Variants in CCDC3 observed in about 807,000 individuals in gnomAD.
The protein encoded by CCDC3 is coiled-coil domain containing 3.
Under a neutral mutation model 21.4 loss-of-function variants are expected in CCDC3, and 24 were observed. The ratio of observed to expected loss-of-function variants is 1.12; its 90% CI spans 0.81 to 1.58. CCDC3 has a LOEUF of 1.58. CCDC3 is among the 40% of genes most tolerant of loss of function. The pLI, the probability that CCDC3 is intolerant of heterozygous loss-of-function variation, is 0.00. For missense variants in CCDC3, 425 were observed against 360.9 expected (o/e 1.18, Z -1.44); for synonymous variants, 186 against 166.0 (o/e 1.12, Z -0.93).
chr10:12,946,351 CTG>C (rs1834916526), intron 2 of CCDC3, among the ~76,000 whole-genome samples: 1 of 152,212 alleles, frequency 6.6e-6, no homozygotes, highest in Non-Finnish European at 1.5e-5. Flanking sequence ...GAGGCTGTCT[CTG>C]TACTGTGAGT....
intron 5 of CCDC3, among the ~76,000 whole-genome samples, chr10:13,035,366 C>T (rs1278859979): frequency 6.6e-6 from 1 of 151,482 alleles, no homozygotes; most frequent in Admixed American, 6.6e-5. Flanking sequence ...ACATTAGAGA[C>T]CAAAAATAAA....
At chr10:13,066,940 C>T (rs1836827029) in intron 4 of CCDC3, among the ~76,000 whole-genome samples, 1 of 152,166 alleles carries the variant, frequency 6.6e-6, no homozygotes. Context: ...ATATAATTCT[C>T]CTGGTCTTCT....
At chr10:12,937,437 T>C (rs577439025) in intron 2 of CCDC3, among the ~76,000 whole-genome samples, 22 of 152,304 alleles carry the variant, frequency 1.4e-4, no homozygotes, top group African/African-American at 5.3e-4. Context: ...GATATCATCA[T>C]GTCACGTTCT....
intron 4 of CCDC3, among the ~76,000 whole-genome samples, chr10:13,065,653 G>C (rs921337124): frequency 2.0e-5 from 3 of 152,118 alleles, no homozygotes; most frequent in African/African-American, 7.2e-5. Context: ...CCCAGGCAAT[G>C]TCCTACCCCC....
At chr10:13,053,355 G>A (rs1836637172) in intron 4 of CCDC3, among the ~76,000 whole-genome samples, 1 of 151,818 alleles carries the variant, frequency 6.6e-6, no homozygotes, top group Admixed American at 6.6e-5. Flanking sequence ...GATCATTTGA[G>A]ACCAGGAGTT....
chr10:13,080,040 G>A (rs1047581841), intron 3 of CCDC3, among the ~76,000 whole-genome samples: 1 of 152,218 alleles, frequency 6.6e-6, no homozygotes, highest in African/African-American at 2.4e-5. Context: ...AAGACAAGGG[G>A]GCCCTCTGGC....
At chr10:12,927,937 A>G (rs1322684788) in intron 2 of CCDC3, among the ~76,000 whole-genome samples, 7 of 152,264 alleles carry the variant, frequency 4.6e-5, no homozygotes, top group Non-Finnish European at 1.0e-4. Flanking sequence ...CAATGGAGAA[A>G]GGACTTCAGA....
intron 2 of CCDC3, among the ~76,000 whole-genome samples, chr10:12,984,895 G>C (rs1835563101): frequency 6.6e-6 from 1 of 152,150 alleles, no homozygotes; most frequent in Non-Finnish European, 1.5e-5. Context: ...CTGGGGCCTG[G>C]AAGAAGCAAA....
At chr10:13,090,056 T>G (rs71215325) in intron 3 of CCDC3, among the ~76,000 whole-genome samples, 2,717 of 140,628 alleles carry the variant, frequency 0.019, 110 homozygotes, top group Middle Eastern at 0.029. Flanking sequence ...TATATATATA[T>G]ATATATATAT....
chr10:12,972,126 C>G (rs930991498), intron 2 of CCDC3, among the ~76,000 whole-genome samples: 1 of 152,180 alleles, frequency 6.6e-6, no homozygotes, highest in Admixed American at 6.5e-5. Context: ...AACTCACTAT[C>G]AAACCACCAC....
rs141618663 is a variant in CCDC3 at position 12,961,293 on chromosome 10, G to C, written c.549+37045C>G. On this transcript the variant is annotated intron_variant, in intron 2 of 2. Transcript: ENST00000378825. The stretch of plus-strand genomic sequence containing the variant: ...TTATTGTGAAAATCTAGCATCCCAA[G>C]AGCCTGCCAAGTGGCCGCTACCTAC... 6.2e-3 allele frequency among the ~76,000 whole-genome samples: 945 copies of C among 152,290 alleles called. 5 individuals are homozygous for C. Among genetic ancestry groups the C allele is most frequent in the Middle Eastern group, 0.048 (14 of 294 alleles).
intron 4 of CCDC3, among the ~76,000 whole-genome samples, chr10:13,070,105 A>C (rs1171193629): frequency 9.4e-6 from 1 of 105,834 alleles, no homozygotes; most frequent in Non-Finnish European, 2.1e-5. Flanking sequence ...AACTGAGGTA[A>C]TCTTTTGACT....
intron 5 of CCDC3, among the ~76,000 whole-genome samples, chr10:13,016,611 G>A (rs1357860785): frequency 6.6e-6 from 1 of 151,800 alleles, no homozygotes; most frequent in Admixed American, 6.6e-5. Flanking sequence ...CCCTTCCCCC[G>A]GGGTCACATA....
intron 3 of CCDC3, among the ~76,000 whole-genome samples, chr10:13,086,739 C>T (rs1564344308): frequency 6.6e-6 from 1 of 152,198 alleles, no homozygotes; most frequent in Non-Finnish European, 1.5e-5. Context: ...AGCCCCCGCG[C>T]CCGGCCTCTG....
intron 2 of CCDC3, among the ~76,000 whole-genome samples, chr10:12,954,755 C>T (rs181185886): frequency 3.2e-4 from 49 of 152,274 alleles, no homozygotes; most frequent in East Asian, 1.7e-3. Flanking sequence ...CCTCCAACGT[C>T]GGGGATCAAA....
chr10:13,093,363 A>C (rs1588423578), intron 3 of CCDC3, among the ~76,000 whole-genome samples: 1 of 151,808 alleles, frequency 6.6e-6, no homozygotes. Flanking sequence ...GGAGGAAAAC[A>C]CCCCCATGAT....
intron 2 of CCDC3, among the ~76,000 whole-genome samples, chr10:12,973,639 G>A (rs1288696619): frequency 6.6e-6 from 1 of 152,208 alleles, no homozygotes; most frequent in Non-Finnish European, 1.5e-5. Flanking sequence ...TTTACTCACT[G>A]TACTCGTTAC....
At chr10:12,925,014 G>A (rs1017486036) in intron 2 of CCDC3, among the ~76,000 whole-genome samples, 7 of 152,226 alleles carry the variant, frequency 4.6e-5, no homozygotes, top group African/African-American at 1.4e-4. Context: ...GGTGGGGACA[G>A]TAGATTTAAC....
In CCDC3 at chr10:12,998,396, G is replaced by T; in HGVS notation, c.491C>A (p.Ser164Ter). Residue 164 changes from serine (S) to a stop codon, truncating the protein, a stop_gained, in exon 2 of 3, where the codon TCG becomes TAG. Transcript: ENST00000378825. LOFTEE classifies it high-confidence loss of function. The stretch of plus-strand genomic sequence containing the variant: ...GAAAGTCGCCAGCTGCTGCCCTTGC[G>T]AACAGTTTGAAAACTGGAAAAGGCT... ...FSSLFQFSNC[S>*]QGQQLATFSS... is the part of the protein sequence containing the mutation. 6.2e-7 allele frequency: 1 copy of T among 1,614,094 alleles called. No individual in the cohort carries two copies. The highest frequency in any genetic ancestry group is 8.5e-7 in the Non-Finnish European group (1 of 1,180,024).
Sources: allele counts gnomAD v4.1 joint callset (sites outside exome capture counted in the v4.1 genomes callset), GRCh38; gene constraint gnomAD v4.1.1; transcripts MANE v1.5; gene names NCBI Gene and HGNC (gene_info 2026-07-23, HGNC 2026-07-21).